LRBA: variants seen among roughly 807,000 people sequenced by gnomAD.
LRBA encodes lipopolysaccharide-responsive and beige-like anchor protein.
Under a neutral mutation model 330.0 loss-of-function variants are expected in LRBA, and 176 were observed. The observed-to-expected ratio is 0.53, with a 90% confidence interval of 0.47 to 0.60. The LOEUF is 0.60. LRBA is among the 20% of genes least tolerant of loss of function. The probability of loss-of-function intolerance (pLI) is 0.00; values close to 1 mark genes in which losing one functional copy is unlikely to be tolerated. For synonymous variants in LRBA, 1,230 were observed against 1,193.0 expected, an observed-to-expected ratio of 1.03 and a Z score of -0.64; for missense variants, 3,259 against 3,444.8, an observed-to-expected ratio of 0.95 and a Z score of 1.35.
At chr4:150,520,012 T>A (rs1028772766) in intron 40 of LRBA, among the ~76,000 whole-genome samples, 5 of 152,230 alleles carry the variant, frequency 3.3e-5, no homozygotes, top group African/African-American at 1.2e-4. Flanking sequence ...AAATCTTTTG[T>A]CCATTTGTTT....
intron 50 of LRBA, among the ~76,000 whole-genome samples, chr4:150,316,667 T>G (rs1021343197): frequency 2.0e-5 from 3 of 152,190 alleles, no homozygotes; most frequent in Admixed American, 2.0e-4. Flanking sequence ...TTAATGCCAT[T>G]GATACCGGTG....
At chr4:150,297,534 T>C (rs1435117626) in intron 53 of LRBA, among the ~76,000 whole-genome samples, 1 of 152,226 alleles carries the variant, frequency 6.6e-6, no homozygotes, top group Non-Finnish European at 1.5e-5. Flanking sequence ...AGTGTGACAG[T>C]ACATTCCAAA....
intron 35 of LRBA, among the ~76,000 whole-genome samples, chr4:150,736,790 A>G (rs1052721902): frequency 2.6e-5 from 4 of 152,220 alleles, no homozygotes; most frequent in Non-Finnish European, 4.4e-5. Context: ...CTGCTTAGGC[A>G]GTAATAGTAA....
chr4:150,500,928 A>G (rs1019180004), intron 40 of LRBA, among the ~76,000 whole-genome samples: 3 of 152,208 alleles, frequency 2.0e-5, no homozygotes, highest in Non-Finnish European at 4.4e-5. Context: ...TAAAATTAGT[A>G]CCTGCCTCCT....
At chr4:150,910,235 C>T (rs1731830588) in intron 9 of LRBA, among the ~76,000 whole-genome samples, 2 of 152,174 alleles carry the variant, frequency 1.3e-5, no homozygotes, top group South Asian at 4.1e-4. Flanking sequence ...CTGCCAAATT[C>T]AATGTCGTAA....
At chr4:150,642,927 C>G (rs911068643) in intron 37 of LRBA, among the ~76,000 whole-genome samples, 1 of 151,796 alleles carries the variant, frequency 6.6e-6, no homozygotes, top group African/African-American at 2.4e-5. Context: ...ATGTTATATT[C>G]GCATCATTAT....
intron 52 of LRBA, among the ~76,000 whole-genome samples, chr4:150,304,511 T>C (rs1301029446): frequency 6.6e-6 from 1 of 152,008 alleles, no homozygotes; most frequent in Admixed American, 6.6e-5. Flanking sequence ...TTTTTTCTCC[T>C]GTGATTAAGG....
intron 22 of LRBA, among the ~76,000 whole-genome samples, chr4:150,856,852 T>A (rs1700457184): frequency 6.6e-6 from 1 of 152,192 alleles, no homozygotes; most frequent in Non-Finnish European, 1.5e-5. Flanking sequence ...AGCACTTCTA[T>A]AAACTACTAG....
intron 30 of LRBA, among the ~76,000 whole-genome samples, chr4:150,826,981 G>A (rs1456736332): frequency 6.6e-6 from 1 of 152,132 alleles, no homozygotes; most frequent in Non-Finnish European, 1.5e-5. Flanking sequence ...ATTTCTGACA[G>A]AACTAATCAA....
chr4:150,409,325 T>C (rs1168818156), intron 47 of LRBA, among the ~76,000 whole-genome samples: 1 of 152,120 alleles, frequency 6.6e-6, no homozygotes, highest in Non-Finnish European at 1.5e-5. Flanking sequence ...TAAATTTCTG[T>C]TGTTTCTACC....
intron 2 of LRBA, among the ~76,000 whole-genome samples, chr4:150,988,568 G>A (rs997937878): frequency 6.6e-5 from 10 of 152,036 alleles, no homozygotes; most frequent in Non-Finnish European, 8.8e-5. Context: ...AATTTTCTAT[G>A]AGAAACAGAA....
At chr4:150,291,700 T>G (rs1489597417) in intron 53 of LRBA, among the ~76,000 whole-genome samples, 1 of 139,108 alleles carries the variant, frequency 7.2e-6, no homozygotes, top group Non-Finnish European at 1.5e-5. Flanking sequence ...AAATACCATT[T>G]GACCCAGCCA....
At chr4:150,804,824 G>A (rs1238677370) in intron 33 of LRBA, among the ~76,000 whole-genome samples, 1 of 151,998 alleles carries the variant, frequency 6.6e-6, no homozygotes, top group Admixed American at 6.6e-5. Flanking sequence ...AAAAATCCTA[G>A]TTATGAGGTC....
intron 2 of LRBA, among the ~76,000 whole-genome samples, chr4:150,933,271 C>T (rs1579246560): frequency 1.3e-5 from 2 of 151,610 alleles, no homozygotes; most frequent in Non-Finnish European, 2.9e-5. Flanking sequence ...GCCTGTAATC[C>T]CAACTACTTG....
At chr4:150,750,888 C>G (rs1733433189) in intron 35 of LRBA, among the ~76,000 whole-genome samples, 1 of 141,642 alleles carries the variant, frequency 7.1e-6, no homozygotes, top group African/African-American at 2.6e-5. Flanking sequence ...ATTAAGGAAG[C>G]AGGGAAGGAA....
chr4:150,675,303 G>A (rs1782433438), intron 37 of LRBA, among the ~76,000 whole-genome samples: 1 of 152,168 alleles, frequency 6.6e-6, no homozygotes, highest in Non-Finnish European at 1.5e-5. Flanking sequence ...ACTAGCCTTT[G>A]GATCTTGGTC....
intron 40 of LRBA, among the ~76,000 whole-genome samples, chr4:150,517,740 G>A (rs1762510826): frequency 6.6e-6 from 1 of 152,042 alleles, no homozygotes; most frequent in South Asian, 2.1e-4. Flanking sequence ...TTTTTTCTAT[G>A]TCATATTAAT....
chr4:150,533,090 T>C (rs1247431431), intron 40 of LRBA, among the ~76,000 whole-genome samples: 1 of 152,208 alleles, frequency 6.6e-6, no homozygotes, highest in Non-Finnish European at 1.5e-5. Context: ...AAAAAAATGT[T>C]CTTCTGAATC....
chr4:150,354,639 T>C (rs1273034634), intron 47 of LRBA, among the ~76,000 whole-genome samples: 1 of 152,096 alleles, frequency 6.6e-6, no homozygotes, highest in Non-Finnish European at 1.5e-5. Flanking sequence ...ATGAAAAGAC[T>C]ATCATATGAA....
Sources: gnomAD v4.1 joint callset for allele counts (sites outside exome capture counted in the v4.1 genomes callset) on GRCh38, gnomAD v4.1.1 for gene constraint, MANE v1.5 for transcripts, NCBI Gene and HGNC (gene_info 2026-07-23, HGNC 2026-07-21) for gene names.